The following DOCK9 variants were observed in gnomAD, a reference collection of about 807,000 sequenced individuals.
DOCK9 encodes the protein dedicator of cytokinesis 9, also known as dedicator of cytokinesis protein 9.
Under a neutral mutation model 263.3 loss-of-function variants are expected in DOCK9, and 89 were observed. The ratio of observed to expected loss-of-function variants is 0.34; its 90% CI spans 0.28 to 0.40. The LOEUF (loss-of-function observed/expected upper bound fraction) is 0.40, where lower values mean the gene tolerates loss of function less well. Ranked by LOEUF, DOCK9 falls within the 10% of genes least tolerant of loss-of-function variation. The pLI, the probability that DOCK9 is intolerant of heterozygous loss-of-function variation, is 1.00. For missense variants in DOCK9, 2,140 were observed against 2,603.4 expected (o/e 0.82, Z 3.87); for synonymous variants, 976 against 973.1 (o/e 1.00, Z -0.06).
intron 27 of DOCK9, among the ~76,000 whole-genome samples, chr13:98,878,965 G>A (rs2044300557): frequency 6.6e-6 from 1 of 152,048 alleles, no homozygotes; most frequent in Non-Finnish European, 1.5e-5. Flanking sequence ...TGTGAGACAG[G>A]ACCCAGCACC....
chr13:98,887,138 TA>T (rs2045841530), intron 18 of DOCK9, among the ~76,000 whole-genome samples: 1 of 52,856 alleles, frequency 1.9e-5, no homozygotes, highest in Admixed American at 2.7e-4. Flanking sequence ...TATATATATA[TA>T]TATATTTTTT....
chr13:98,983,741 C>T (rs1216410810), intron 1 of DOCK9, among the ~76,000 whole-genome samples: 1 of 151,796 alleles, frequency 6.6e-6, no homozygotes. Context: ...CTCAGCCTCC[C>T]GAGTAGTTGG....
chr13:98,972,541 C>T (rs902620988), intron 1 of DOCK9, among the ~76,000 whole-genome samples: 1 of 152,138 alleles, frequency 6.6e-6, no homozygotes, highest in African/African-American at 2.4e-5. Context: ...TAATTAGATT[C>T]ACTCGGACCC....
intron 49 of DOCK9, among the ~76,000 whole-genome samples, chr13:98,803,122 A>C (rs1218929933): frequency 6.6e-6 from 1 of 152,088 alleles, no homozygotes; most frequent in Non-Finnish European, 1.5e-5. Context: ...GGCTGTCTCA[A>C]CCCACAGCTG....
intron 2 of DOCK9, among the ~76,000 whole-genome samples, chr13:98,936,867 C>A (rs534338595): frequency 6.6e-6 from 1 of 152,238 alleles, no homozygotes; most frequent in East Asian, 1.9e-4. Flanking sequence ...CTACTTTATG[C>A]CAAACTAATT....
chr13:98,911,830 G>A (rs1336457621), intron 9 of DOCK9, among the ~76,000 whole-genome samples: 2 of 150,192 alleles, frequency 1.3e-5, no homozygotes, highest in Non-Finnish European at 3.0e-5. Context: ...TAAGGGCAGT[G>A]TACTTTCATA....
At chr13:98,958,082 G>A (rs2058258955) in intron 1 of DOCK9, among the ~76,000 whole-genome samples, 1 of 152,224 alleles carries the variant, frequency 6.6e-6, no homozygotes, top group African/African-American at 2.4e-5. Flanking sequence ...GGGTTGGAGG[G>A]ACACTGCTGA....
At chr13:99,003,047 G>C (rs1882679085) in intron 1 of DOCK9, among the ~76,000 whole-genome samples, 2 of 152,136 alleles carry the variant, frequency 1.3e-5, no homozygotes, top group African/African-American at 2.4e-5. Flanking sequence ...AAGAAGAAGA[G>C]AATGGTTTTA....
rs918285431 is a variant in DOCK9, at chr13:98,803,189, G to A, written c.5725+1810C>T. On this transcript the variant is annotated intron_variant, in intron 49 of 52. Coordinates refer to ENST00000682017, the MANE Select transcript of DOCK9 (RefSeq NM_001366683.2). ...TGTCTGCCCCACCTCTCTCTGAAGC[G>A]CACTCTCTGTCCCCTTGTTCCCGCA... Among the ~76,000 whole-genome samples, 2 of 152,228 alleles carry A rather than the reference G, an allele frequency of 1.3e-5. 1 individual carries two copies. The highest frequency in any genetic ancestry group is 6.8e-3 in the Middle Eastern group (2 of 294).
chr13:98,897,493 A>G lies in DOCK9; in HGVS notation c.1704T>C (p.Phe568=), dbSNP rs977729967. ...NDDMLKLLAD[F]RKPEKMAKLP... ...AATAAGACCTTGAAACTCACTTCCG[A>G]AAGTCTGCAAGTAACTTGAGCATGT... Residue 568 remains phenylalanine (F), a synonymous_variant, in exon 15 of 53, where the codon TTT becomes TTC. Coordinates refer to ENST00000682017, the MANE Select transcript of DOCK9 (RefSeq NM_001366683.2). 6.2e-7 allele frequency: 1 copy of G among 1,613,654 alleles called. No individual in the cohort carries two copies. Among genetic ancestry groups the G allele is most frequent in the Non-Finnish European group, 8.5e-7 (1 of 1,179,754 alleles).
At chr13:98,857,649 C>T (rs1594730543) in intron 33 of DOCK9, 1 of 152,218 alleles carries the variant, frequency 6.6e-6, no homozygotes, top group East Asian at 1.9e-4. Flanking sequence ...ATAAATCCTT[C>T]CCTCTGTTGA....
chr13:99,087,643 C>A (rs1009822124), upstream of DOCK9, among the ~76,000 whole-genome samples: 1 of 152,210 alleles, frequency 6.6e-6, no homozygotes, highest in Non-Finnish European at 1.5e-5. Context: ...TCTGAGGAAG[C>A]CCGGCGCAGC....
At chr13:98,958,372 G>A (rs916873884) in intron 1 of DOCK9, among the ~76,000 whole-genome samples, 1 of 152,220 alleles carries the variant, frequency 6.6e-6, no homozygotes, top group Non-Finnish European at 1.5e-5. Context: ...ACACTCTCCA[G>A]CTAGGCCTGA....
intron 15 of DOCK9, among the ~76,000 whole-genome samples, chr13:98,893,785 G>T (rs1221343984): frequency 2.0e-5 from 3 of 152,154 alleles, no homozygotes; most frequent in African/African-American, 4.8e-5. Flanking sequence ...AATGAAAAAG[G>T]AATCCTCCAC....
At chr13:99,020,496 A>AGTGACCATGCAG (rs1285857218) in intron 1 of DOCK9, among the ~76,000 whole-genome samples, 2 of 152,174 alleles carry the variant, frequency 1.3e-5, no homozygotes, top group South Asian at 4.1e-4. Flanking sequence ...GTCATAACAA[A>AGTGACCATGCAG]CCTCAGCCAT....
intron 1 of DOCK9, among the ~76,000 whole-genome samples, chr13:99,076,962 G>A (rs1214088543): frequency 3.3e-5 from 5 of 152,158 alleles, no homozygotes; most frequent in Non-Finnish European, 7.3e-5. Context: ...AGTTTCAAAG[G>A]CCAGAGAGAG....
At chr13:99,008,185 C>CCTGCCTCTCTCTCTCTCTCT (rs1883691419) in intron 1 of DOCK9, among the ~76,000 whole-genome samples, 1 of 100,984 alleles carries the variant, frequency 9.9e-6, no homozygotes, top group Admixed American at 1.2e-4. Context: ...TATTGTGCAG[C>CCTGCCTCTCTCTCTCTCTCT]CTCTCTCTCT....
At chr13:99,065,550 C>T (rs913754179) in intron 1 of DOCK9, among the ~76,000 whole-genome samples, 1 of 152,192 alleles carries the variant, frequency 6.6e-6, no homozygotes, top group Non-Finnish European at 1.5e-5. Context: ...TGACACCAGA[C>T]GCAACTACTC....
intron 1 of DOCK9, among the ~76,000 whole-genome samples, chr13:99,046,137 T>C (rs1454477291): frequency 6.7e-6 from 1 of 149,306 alleles, no homozygotes; most frequent in Non-Finnish European, 1.5e-5. Context: ...GTGTCTAGAA[T>C]TCACAAGACA....
Sources: allele counts gnomAD v4.1 joint callset (sites outside exome capture counted in the v4.1 genomes callset), GRCh38; gene constraint gnomAD v4.1.1; transcripts MANE v1.5; gene names NCBI Gene and HGNC (gene_info 2026-07-23, HGNC 2026-07-21).